Variants in SPAG9 observed in about 807,000 individuals in gnomAD.
The protein encoded by SPAG9 is C-Jun-amino-terminal kinase-interacting protein 4.
Under a neutral mutation model 166.5 loss-of-function variants are expected in SPAG9, and 35 were observed. That is an observed-to-expected ratio of 0.21 (90% CI 0.16 to 0.28). The LOEUF (loss-of-function observed/expected upper bound fraction) is 0.28, where lower values mean the gene tolerates loss of function less well. Among genes scored for constraint, SPAG9 ranks in the 10% least tolerant of loss-of-function variants. SPAG9 has a pLI of 1.00. For synonymous variants in SPAG9, 534 were observed against 565.5 expected (o/e 0.94, Z 0.79); for missense variants, 1,235 against 1,603.3 (o/e 0.77, Z 3.92).
rs1295199621 is a variant in SPAG9, at chr17:50,979,861, C to G, written c.3294G>C (p.Val1098=). The change falls in exon 26 of 30, where the codon GTG becomes GTC. Residue 1098 remains valine, a synonymous_variant. Transcript: ENST00000262013. The part of the protein sequence containing the change: ...KESQVRQLAW[V]GDGVWVSIRL... ...GAATGGAGACCCACACGCCATCCCCCACCCACGCAAGCTGTCGCACTTGGC... is the reference window on the plus strand; with the variant it reads ...GAATGGAGACCCACACGCCATCCCCGACCCACGCAAGCTGTCGCACTTGGC... 2.5e-6 allele frequency: 4 copies of G among 1,614,190 alleles called. No individual in the cohort carries two copies. Among genetic ancestry groups the G allele is most frequent in the Non-Finnish European group, 2.5e-6 (3 of 1,180,018 alleles).
chr17:51,017,549 A>G (rs2045754697), intron 8 of SPAG9, among the ~76,000 whole-genome samples: 1 of 147,176 alleles, frequency 6.8e-6, no homozygotes, highest in South Asian at 2.2e-4. Context: ...AGAGAGAGAG[A>G]GACAGAGGGT....
At chr17:51,058,293 T>C (rs1389278677) in intron 2 of SPAG9, among the ~76,000 whole-genome samples, 1 of 152,202 alleles carries the variant, frequency 6.6e-6, no homozygotes, top group Non-Finnish European at 1.5e-5. Flanking sequence ...GTGCTTACTA[T>C]GTACCATACA....
intron 2 of SPAG9, among the ~76,000 whole-genome samples, chr17:51,060,738 G>A (rs932375636): frequency 1.3e-5 from 2 of 151,968 alleles, no homozygotes; most frequent in African/African-American, 4.8e-5. Flanking sequence ...CCTCCAGACT[G>A]TGAGAAATAA....
At position 50,962,491 on chromosome 17, in the gene SPAG9, G is replaced by A. The variant is rs1176948134; in HGVS notation, c.*3781C>T. 1.3e-5 allele frequency: 2 copies of A among 152,192 alleles called. No individual in the cohort carries two copies. Among genetic ancestry groups the A allele is most frequent in the African/African-American group, 4.8e-5 (2 of 41,456 alleles). 9.4% of individuals were successfully genotyped at this position (152,192 alleles called of 1,614,324 possible). A position where few individuals can be genotyped will look rare whatever the true frequency, so the allele number is the denominator to read the frequency against. On this transcript the variant is annotated 3_prime_UTR_variant, in exon 30 of 30. Coordinates refer to ENST00000262013, the MANE Select transcript of SPAG9 (RefSeq NM_001130528.3). ...ACTTAATCTTTTAAGAGAAAAGACA[G>A]ACATTTAGTGTTACAGAATAGCATA...
intron 8 of SPAG9, among the ~76,000 whole-genome samples, chr17:51,018,335 G>A (rs545568112): frequency 6.6e-6 from 1 of 151,788 alleles, no homozygotes; most frequent in East Asian, 1.9e-4. Context: ...ACTGCATCCA[G>A]CCTAGGCGAC....
intron 5 of SPAG9, among the ~76,000 whole-genome samples, chr17:51,039,972 C>T (rs1022666670): frequency 1.3e-5 from 2 of 152,082 alleles, no homozygotes; most frequent in South Asian, 2.1e-4. Flanking sequence ...CAGTGGCTCA[C>T]GCCTGTAATT....
intron 1 of SPAG9, among the ~76,000 whole-genome samples, chr17:51,103,713 C>A (rs1045918364): frequency 2.0e-5 from 3 of 152,056 alleles, no homozygotes; most frequent in Admixed American, 1.3e-4. Context: ...ACCACTTGAG[C>A]CCAGGAATTT....
intron 1 of SPAG9, among the ~76,000 whole-genome samples, chr17:51,115,833 AAAAAG>A (rs372714782): frequency 0.052 from 7,910 of 151,010 alleles, 688 homozygotes; most frequent in African/African-American, 0.18. Flanking sequence ...CATCTCAAAA[AAAAAG>A]AAAAGAAAAG....
At chr17:51,076,197 G>A (rs957291701) in intron 2 of SPAG9, among the ~76,000 whole-genome samples, 8 of 151,788 alleles carry the variant, frequency 5.3e-5, no homozygotes, top group East Asian at 1.9e-4. Context: ...CGAGGCGGGC[G>A]GACTGCTTTG....
intron 18 of SPAG9, 80 bp from the exon 19 acceptor site, chr17:50,994,015 G>T: frequency 8.1e-7 from 1 of 1,229,486 alleles, no homozygotes; most frequent in East Asian, 2.4e-5. Context: ...TACAGTAAAA[G>T]GCAATACTAT....
intron 6 of SPAG9, 70 bp from the exon 7 acceptor site, chr17:51,021,435 G>C (rs2045932630): frequency 3.2e-6 from 4 of 1,232,180 alleles, no homozygotes; most frequent in Non-Finnish European, 4.5e-6. Context: ...TAAATGGGTT[G>C]AGAAATAAAT....
At chr17:51,050,051 G>GA (rs1355293814) in intron 3 of SPAG9, among the ~76,000 whole-genome samples, 1 of 152,172 alleles carries the variant, frequency 6.6e-6, no homozygotes, top group African/African-American at 2.4e-5. Flanking sequence ...TATAGAAAAA[G>GA]AATGACAAGC....
At chr17:51,091,926 C>T (rs981948386) in intron 1 of SPAG9, among the ~76,000 whole-genome samples, 5 of 149,000 alleles carry the variant, frequency 3.4e-5, no homozygotes, top group African/African-American at 1.2e-4. Flanking sequence ...GGGACTGTTT[C>T]GCCCCACTGT....
intron 28 of SPAG9, among the ~76,000 whole-genome samples, chr17:50,972,376 CT>C (rs1294437485): frequency 1.3e-5 from 2 of 152,202 alleles, no homozygotes; most frequent in Non-Finnish European, 2.9e-5. Flanking sequence ...TGGCTTTCCT[CT>C]CATATTTAAG....
intron 1 of SPAG9, among the ~76,000 whole-genome samples, chr17:51,089,665 C>CATATATATATATATATATATATATAT: frequency 2.3e-5 from 1 of 44,374 alleles, no homozygotes; most frequent in Non-Finnish European, 4.9e-5. Context: ...TATATATATA[C>CATATATATATATATATATATATATAT]ACATACACAC....
chr17:50,996,748 C>G, intron 15 of SPAG9, 54 bp from the exon 16 acceptor site: 1 of 1,578,330 alleles, frequency 6.3e-7, no homozygotes, highest in South Asian at 1.1e-5. Context: ...TTACGTTTAT[C>G]CCCAGTTTTA....
At position 51,010,582 on chromosome 17, in the gene SPAG9, AATAT is replaced by A. The variant is rs994068022; in HGVS notation, c.1214-3260_1214-3257del. ...AGGCAAGAAAAGAAAAAAAAAAAAA[AATAT>A]ATATATATATATATACATATATGTA... On this transcript the variant is annotated intron_variant, in intron 9 of 29. Coordinates refer to ENST00000262013, the MANE Select transcript of SPAG9 (RefSeq NM_001130528.3). Among the ~76,000 whole-genome samples, 645 of 130,630 alleles carry A rather than the reference AATAT, an allele frequency of 4.9e-3. 6 individuals are homozygous for A. Among genetic ancestry groups the A allele is most frequent in the African/African-American group, 0.018 (619 of 34,872 alleles). 85.7% of individuals were successfully genotyped at this position (130,630 alleles called of 152,430 possible). A position where few individuals can be genotyped will look rare whatever the true frequency, so the allele number is the denominator to read the frequency against.
chr17:50,989,664 C>A lies in SPAG9; in HGVS notation c.2813+13G>T, dbSNP rs773298595. The A allele has an allele frequency of 6.2e-7, 1 of 1,610,674 alleles. No individual in the cohort carries two copies. The highest frequency in any genetic ancestry group is 1.1e-5 in the South Asian group (1 of 90,946). ...TTCACCCAGTTGCCTAAGTTGATGA[C>A]CCATTATTATACCTCGACTGATACA... is the stretch of plus-strand genomic sequence containing the variant. On this transcript the variant is annotated intron_variant, in intron 21 of 29. Coordinates refer to ENST00000262013, the MANE Select transcript of SPAG9 (RefSeq NM_001130528.3).
At chr17:51,113,631 G>T (rs2049190545) in intron 1 of SPAG9, among the ~76,000 whole-genome samples, 5 of 149,036 alleles carry the variant, frequency 3.4e-5, no homozygotes. Context: ...AGTGAGCCAA[G>T]ATCGCGCTAC....
Sources: allele counts gnomAD v4.1 joint callset (sites outside exome capture counted in the v4.1 genomes callset), GRCh38; gene constraint gnomAD v4.1.1; transcripts MANE v1.5; gene names NCBI Gene and HGNC (gene_info 2026-07-23, HGNC 2026-07-21).